The following MEGF11 variants were observed in gnomAD, a reference collection of about 807,000 sequenced individuals.
MEGF11 encodes multiple EGF like domains 11, also known as multiple epidermal growth factor-like domains protein 11.
MEGF11 carries 126 observed loss-of-function variants against 146.6 expected under a neutral mutation model. The ratio of observed to expected loss-of-function variants is 0.86; its 90% CI spans 0.74 to 1.00. The LOEUF (loss-of-function observed/expected upper bound fraction) is 1.00, where lower values mean the gene tolerates loss of function less well. Among genes scored for constraint, MEGF11 ranks in the 50% least tolerant of loss-of-function variants. The pLI is 0.00. For missense variants in MEGF11, 1,509 were observed against 1,521.2 expected (o/e 0.99, Z 0.13); for synonymous variants, 532 against 583.4 (o/e 0.91, Z 1.27).
At chr15:66,024,939 G>C (rs57110351) in intron 5 of MEGF11, among the ~76,000 whole-genome samples, 1,531 of 152,270 alleles carry the variant, frequency 0.01, 23 homozygotes, top group African/African-American at 0.035. Context: ...GCTGTGGTGT[G>C]TGTTGGTTGG....
chr15:66,184,866 C>T (rs1437438725), intron 1 of MEGF11, among the ~76,000 whole-genome samples: 2 of 152,084 alleles, frequency 1.3e-5, no homozygotes, highest in Non-Finnish European at 2.9e-5. Context: ...AGGACTCTCC[C>T]CGCCTGCTTC....
At chr15:66,216,343 G>T (rs934174627) in intron 1 of MEGF11, among the ~76,000 whole-genome samples, 2 of 152,160 alleles carry the variant, frequency 1.3e-5, no homozygotes, top group African/African-American at 4.8e-5. Flanking sequence ...GGTTCTTAAG[G>T]ATGCCCTATC....
intron 4 of MEGF11, among the ~76,000 whole-genome samples, chr15:66,116,887 C>T (rs150864439): frequency 2.0e-3 from 312 of 152,264 alleles, no homozygotes; most frequent in African/African-American, 7.0e-3. Context: ...TAAAGCCTTG[C>T]CTAGGTTCGT....
chr15:66,120,112 A>T (rs927489568), intron 3 of MEGF11, among the ~76,000 whole-genome samples: 1 of 152,174 alleles, frequency 6.6e-6, no homozygotes, highest in Non-Finnish European at 1.5e-5. Context: ...AACCTAGCTC[A>T]CTCCAATTTC....
At chr15:66,012,012 T>C (rs2082725008) in intron 5 of MEGF11, among the ~76,000 whole-genome samples, 1 of 151,898 alleles carries the variant, frequency 6.6e-6, no homozygotes, top group South Asian at 2.1e-4. Context: ...GGTGGATCAC[T>C]TGAGCCCAGA....
intron 13 of MEGF11, among the ~76,000 whole-genome samples, chr15:65,924,645 T>TTTG (rs1322615702): frequency 2.9e-4 from 44 of 149,324 alleles, no homozygotes; most frequent in African/African-American, 1.0e-3. Flanking sequence ...TTTTTTTTTT[T>TTTG]GGAGACAGGG....
At chr15:65,926,547 G>A (rs956283662) in intron 13 of MEGF11, among the ~76,000 whole-genome samples, 3 of 152,316 alleles carry the variant, frequency 2.0e-5, no homozygotes, top group Non-Finnish European at 2.9e-5. Flanking sequence ...AGGAATGAGC[G>A]GTGTGCCAGG....
intron 5 of MEGF11, among the ~76,000 whole-genome samples, chr15:66,065,660 C>T (rs530753191): frequency 2.0e-5 from 3 of 152,296 alleles, no homozygotes; most frequent in East Asian, 1.9e-4. Context: ...AGGACACTGC[C>T]GAGTGTGGCT....
rs1177600199 is a variant in MEGF11, at chr15:65,930,861, G to T, written c.1370C>A (p.Thr457Asn). Residue 457 changes from threonine (T) to asparagine (N), a missense_variant, in exon 11 of 26, where the codon ACC (threonine) becomes AAC (asparagine). Transcript: ENST00000395614. ...ACAGGAGCCATCTACTGGGGAGCAG[G>T]TGCCACCATTGTTACAGCTACAGAT... ...SSICSCNNGG[T>N]CSPVDGSCTC... 1 of 1,611,602 alleles carries T rather than the reference G, an allele frequency of 6.2e-7. No individual in the cohort carries two copies. Among genetic ancestry groups the T allele is most frequent in the East Asian group, 2.2e-5 (1 of 44,700 alleles).
At chr15:66,028,483 G>T (rs1013843466) in intron 5 of MEGF11, among the ~76,000 whole-genome samples, 2 of 152,098 alleles carry the variant, frequency 1.3e-5, no homozygotes, top group African/African-American at 4.8e-5. Flanking sequence ...AAGCAATATG[G>T]CAATATATAT....
At chr15:65,940,105 A>G (rs1364715635) in intron 10 of MEGF11, among the ~76,000 whole-genome samples, 2 of 152,140 alleles carry the variant, frequency 1.3e-5, no homozygotes. Flanking sequence ...GGGGCATAAA[A>G]TGAGGCTGTG....
chr15:66,201,276 G>A (rs1374525319), intron 1 of MEGF11, among the ~76,000 whole-genome samples: 1 of 152,122 alleles, frequency 6.6e-6, no homozygotes, highest in African/African-American at 2.4e-5. Context: ...CAGGAGCACA[G>A]CCCCTCCTCC....
intron 1 of MEGF11, among the ~76,000 whole-genome samples, chr15:66,165,534 C>G (rs1041364294): frequency 1.3e-5 from 2 of 152,188 alleles, no homozygotes; most frequent in East Asian, 1.9e-4. Flanking sequence ...CCCTTCCTCT[C>G]TCATTACCTC....
At chr15:66,005,820 A>G (rs759266298) in intron 5 of MEGF11, among the ~76,000 whole-genome samples, 18 of 152,218 alleles carry the variant, frequency 1.2e-4, no homozygotes, top group Non-Finnish European at 2.9e-5. Flanking sequence ...CAGAACCCAC[A>G]CTCTAGCCCT....
chr15:66,013,061 G>C (rs1414361606), intron 5 of MEGF11, among the ~76,000 whole-genome samples: 1 of 152,196 alleles, frequency 6.6e-6, no homozygotes, highest in Non-Finnish European at 1.5e-5. Context: ...GGAAAGCAAG[G>C]CCCACAGAGG....
intron 1 of MEGF11, among the ~76,000 whole-genome samples, chr15:66,219,868 G>A (rs1007502900): frequency 6.6e-6 from 1 of 152,174 alleles, no homozygotes; most frequent in Non-Finnish European, 1.5e-5. Flanking sequence ...CCTCCAATGG[G>A]TGAATGGTTA....
chr15:66,213,562 C>G (rs1029238501), intron 1 of MEGF11, among the ~76,000 whole-genome samples: 2 of 151,038 alleles, frequency 1.3e-5, no homozygotes, highest in African/African-American at 4.9e-5. Context: ...CATGATATAT[C>G]TCCTTTTCCA....
intron 5 of MEGF11, among the ~76,000 whole-genome samples, chr15:66,045,675 C>T (rs911107976): frequency 6.6e-6 from 1 of 152,196 alleles, no homozygotes; most frequent in South Asian, 2.1e-4. Context: ...TACCCTAACT[C>T]CCTCAGTCTC....
At chr15:66,170,198 G>A (rs1194635956) in intron 1 of MEGF11, among the ~76,000 whole-genome samples, 1 of 152,208 alleles carries the variant, frequency 6.6e-6, no homozygotes, top group African/African-American at 2.4e-5. Context: ...TAGGAGAGAT[G>A]GGGCAGATGG....
Sources: allele counts gnomAD v4.1 joint callset (sites outside exome capture counted in the v4.1 genomes callset), GRCh38; gene constraint gnomAD v4.1.1; transcripts MANE v1.5; gene names NCBI Gene and HGNC (gene_info 2026-07-23, HGNC 2026-07-21).